The following GRM1 variants were observed in gnomAD, a reference collection of about 807,000 sequenced individuals.
The protein encoded by GRM1 is metabotropic glutamate receptor 1.
GRM1 carries 33 observed loss-of-function variants against 90.9 expected under a neutral mutation model. The ratio of observed to expected loss-of-function variants is 0.36; its 90% CI spans 0.28 to 0.49. The LOEUF is 0.49. Among genes scored for constraint, GRM1 ranks in the 20% least tolerant of loss-of-function variants. GRM1 has a pLI of 0.99. For synonymous variants in GRM1, 700 were observed against 613.2 expected, an observed-to-expected ratio of 1.14 and a Z score of -2.09; for missense variants, 1,190 against 1,534.3, an observed-to-expected ratio of 0.78 and a Z score of 3.75.
At position 146,357,616 on chromosome 6, in the gene GRM1, T is replaced by C. The variant is rs368772965; in HGVS notation, c.1524T>C (p.Asp508=). 108 of 1,613,920 alleles carry C rather than the reference T, an allele frequency of 6.7e-5. 2 individuals carry two copies. Among genetic ancestry groups the C allele is most frequent in the East Asian group, 4.5e-4 (20 of 44,898 alleles). The change falls in exon 5 of 8, where the codon GAT becomes GAC. Residue 508 remains aspartate (D), a synonymous_variant. Coordinates refer to ENST00000282753, the MANE Select transcript of GRM1 (RefSeq NM_001278064.2). ...GGCATGAAGGAGTGCTGAACATTGA[T>C]GATTACAAAATCCAGATGAACAAGA... ...GTWHEGVLNI[D]DYKIQMNKSG...
chr6:146,392,389 G>A (rs558508125), intron 6 of GRM1, among the ~76,000 whole-genome samples: 11 of 152,224 alleles, frequency 7.2e-5, no homozygotes, highest in East Asian at 1.9e-4. Context: ...TTCTCGCACC[G>A]TATTAGACCT....
At chr6:146,300,297 A>G (rs960546360) in intron 2 of GRM1, among the ~76,000 whole-genome samples, 3 of 152,228 alleles carry the variant, frequency 2.0e-5, no homozygotes, top group Admixed American at 6.5e-5. Flanking sequence ...TTTTACTGTC[A>G]GTTTGCTAAT....
intron 2 of GRM1, among the ~76,000 whole-genome samples, chr6:146,292,097 G>A (rs1355276584): frequency 1.3e-5 from 2 of 151,922 alleles, no homozygotes; most frequent in African/African-American, 4.8e-5. Flanking sequence ...CTGGATATCT[G>A]TATACAAAAT....
chr6:146,226,737 T>C (rs1304362791), intron 2 of GRM1, among the ~76,000 whole-genome samples: 1 of 152,170 alleles, frequency 6.6e-6, no homozygotes, highest in Non-Finnish European at 1.5e-5. Context: ...CTGTTTCTTC[T>C]ACAGTCATTG....
chr6:146,286,694 A>G (rs1235911716), intron 2 of GRM1, among the ~76,000 whole-genome samples: 1 of 152,208 alleles, frequency 6.6e-6, no homozygotes, highest in Admixed American at 6.5e-5. Context: ...GTAGTTGTTA[A>G]CAAGTTTTTG....
chr6:146,414,314 A>G (rs1167838190), intron 7 of GRM1, among the ~76,000 whole-genome samples: 5 of 151,556 alleles, frequency 3.3e-5, no homozygotes, highest in Non-Finnish European at 2.9e-5. Context: ...TTGGCCATCT[A>G]TATACCATCT....
intron 1 of GRM1, among the ~76,000 whole-genome samples, chr6:146,119,705 C>T (rs1297264960): frequency 6.6e-6 from 1 of 152,142 alleles, no homozygotes; most frequent in African/African-American, 2.4e-5. Context: ...GGAATCCTTT[C>T]TCTATTTCTT....
intron 1 of GRM1, among the ~76,000 whole-genome samples, chr6:146,147,311 C>T (rs1158281505): frequency 2.0e-5 from 3 of 152,174 alleles, no homozygotes; most frequent in Non-Finnish European, 4.4e-5. Context: ...GAATTCAAAT[C>T]CCAGCTCCGA....
chr6:146,429,598 T>A (rs1048146165), intron 7 of GRM1, among the ~76,000 whole-genome samples: 5 of 152,126 alleles, frequency 3.3e-5, no homozygotes, highest in African/African-American at 1.2e-4. Context: ...TGGACAGCTG[T>A]ATTTCCAGCA....
chr6:146,041,483 G>A (rs1217703315), intron 1 of GRM1, among the ~76,000 whole-genome samples: 2 of 151,946 alleles, frequency 1.3e-5, no homozygotes, highest in African/African-American at 4.8e-5. Context: ...TGGTGCCCTA[G>A]GCCCAGGTTT....
At chr6:146,380,925 G>A (rs73579039) in intron 5 of GRM1, among the ~76,000 whole-genome samples, 7,129 of 152,252 alleles carry the variant, frequency 0.047, 224 homozygotes, top group African/African-American at 0.088. Context: ...CTGGGAGCTA[G>A]GGCCTGAAAC....
At chr6:146,254,621 T>G (rs1325572533) in intron 2 of GRM1, among the ~76,000 whole-genome samples, 2 of 152,324 alleles carry the variant, frequency 1.3e-5, no homozygotes, top group Non-Finnish European at 2.9e-5. Flanking sequence ...CTTACCAAGC[T>G]TATTCTTACC....
At chr6:146,263,281 C>T (rs1434281472) in intron 2 of GRM1, among the ~76,000 whole-genome samples, 1 of 151,792 alleles carries the variant, frequency 6.6e-6, no homozygotes, top group Non-Finnish European at 1.5e-5. Flanking sequence ...AACAATTTTT[C>T]ATGATGTGAG....
At chr6:146,063,922 A>G (rs1158242807) in intron 1 of GRM1, among the ~76,000 whole-genome samples, 1 of 152,182 alleles carries the variant, frequency 6.6e-6, no homozygotes, top group Non-Finnish European at 1.5e-5. Flanking sequence ...AGAGATGCAA[A>G]GTCACAGAAA....
intron 2 of GRM1, among the ~76,000 whole-genome samples, chr6:146,178,154 C>CATG (rs1238656927): frequency 1.3e-5 from 2 of 152,140 alleles, no homozygotes; most frequent in African/African-American, 4.8e-5. Flanking sequence ...GTTGTCATGT[C>CATG]TCCTTAGACT....
intron 3 of GRM1, among the ~76,000 whole-genome samples, chr6:146,323,109 A>G (rs944962633): frequency 5.9e-5 from 9 of 152,140 alleles, no homozygotes; most frequent in African/African-American, 1.9e-4. Flanking sequence ...TCCTTTGGGT[A>G]TATACCCAGT....
intron 2 of GRM1, among the ~76,000 whole-genome samples, chr6:146,287,086 T>C (rs1782793908): frequency 6.6e-6 from 1 of 152,208 alleles, no homozygotes; most frequent in African/African-American, 2.4e-5. Context: ...TGGCAGATTA[T>C]TGCTCGAATA....
Position 146,304,739 on chromosome 6 carries a change from AC to A in GRM1, c.1080del (p.Asp360GlufsTer41). 1 of 1,613,984 alleles carries A rather than the reference AC, an allele frequency of 6.2e-7. No homozygotes were observed. Among genetic ancestry groups the A allele is most frequent in the Non-Finnish European group, 8.5e-7 (1 of 1,179,902 alleles). ...FDDYFLKLRLDTNTRNPWFPE... is the reference protein window; with the variant it reads ...FDDYFLKLRLXTNTRNPWFPE... ...GATTATTTCCTGAAACTGAGGCTGG[AC>A]ACTAACACGAGGAATCCCTGGTTCC... On this transcript the variant is annotated frameshift_variant, in exon 3 of 8. Transcript: ENST00000282753. LOFTEE classifies it high-confidence loss of function.
At chr6:146,284,009 A>T (rs1782673648) in intron 2 of GRM1, among the ~76,000 whole-genome samples, 1 of 152,242 alleles carries the variant, frequency 6.6e-6, no homozygotes, top group South Asian at 2.1e-4. Context: ...GTAATTGCAG[A>T]TGTTCTGTGT....
Sources: gnomAD v4.1 joint callset for allele counts (sites outside exome capture counted in the v4.1 genomes callset) on GRCh38, gnomAD v4.1.1 for gene constraint, MANE v1.5 for transcripts, NCBI Gene and HGNC (gene_info 2026-07-23, HGNC 2026-07-21) for gene names.